PMS1: variants seen among roughly 807,000 people sequenced by gnomAD.
The protein encoded by PMS1 is PMS1 homolog 1, mismatch repair system component, also known as PMS1 protein homolog 1.
Under a neutral mutation model 93.1 loss-of-function variants are expected in PMS1, and 79 were observed. The observed-to-expected ratio is 0.85, with a 90% CI of 0.71 to 1.02. PMS1 has a LOEUF of 1.02. Among genes scored for constraint, PMS1 ranks in the 50% least tolerant of loss-of-function variants. The pLI is 0.00. For missense variants in PMS1, 1,064 were observed against 1,085.3 expected (o/e 0.98, Z 0.28); for synonymous variants, 335 against 363.4 (o/e 0.92, Z 0.89).
intron 4 of PMS1, among the ~76,000 whole-genome samples, chr2:189,813,561 C>T (rs2051023320): frequency 6.6e-6 from 1 of 152,068 alleles, no homozygotes; most frequent in Non-Finnish European, 1.5e-5. Context: ...GAATTTTGTG[C>T]AATATTAATA....
chr2:189,801,621 A>T (rs1415653198), intron 3 of PMS1, among the ~76,000 whole-genome samples: 1 of 152,088 alleles, frequency 6.6e-6, no homozygotes, highest in Admixed American at 6.6e-5. Flanking sequence ...ATTTTATTTT[A>T]TTTTTTTTCT....
At chr2:189,793,378 G>A (rs550353980) in intron 2 of PMS1, among the ~76,000 whole-genome samples, 1 of 152,296 alleles carries the variant, frequency 6.6e-6, no homozygotes, top group African/African-American at 2.4e-5. Context: ...TCTAATTGAT[G>A]CTGATGCTGG....
intron 4 of PMS1, among the ~76,000 whole-genome samples, chr2:189,814,773 A>T (rs947403905): frequency 6.6e-6 from 1 of 152,094 alleles, no homozygotes; most frequent in Admixed American, 6.5e-5. Flanking sequence ...GCAGCCTTGG[A>T]TAGGGCATTT....
At chr2:189,864,249 T>C in intron 10 of PMS1, 21 bp downstream of exon 10, 1 of 1,516,218 alleles carries the variant, frequency 6.6e-7, no homozygotes, top group East Asian at 2.3e-5. Flanking sequence ...ACAATACTTT[T>C]TAAGAGTAAA....
At chr2:189,826,974 T>C (rs1432999776) in intron 5 of PMS1, among the ~76,000 whole-genome samples, 1 of 152,200 alleles carries the variant, frequency 6.6e-6, no homozygotes, top group Non-Finnish European at 1.5e-5. Flanking sequence ...TGACCTCTTA[T>C]GTATTTAGGG....
chr2:189,856,318 TC>T (rs1316635661), intron 9 of PMS1, among the ~76,000 whole-genome samples: 4 of 152,058 alleles, frequency 2.6e-5, no homozygotes, highest in Non-Finnish European at 5.9e-5. Context: ...TCACTTTCTT[TC>T]CCTTTGTTTA....
At chr2:189,789,923 C>T (rs1425755064) in intron 1 of PMS1, among the ~76,000 whole-genome samples, 3 of 152,040 alleles carry the variant, frequency 2.0e-5, no homozygotes, top group Non-Finnish European at 2.9e-5. Flanking sequence ...AAAAGCACCC[C>T]CCTCCCTGCA....
intron 5 of PMS1, among the ~76,000 whole-genome samples, chr2:189,823,312 G>A (rs959618618): frequency 6.6e-6 from 1 of 151,740 alleles, no homozygotes; most frequent in Non-Finnish European, 1.5e-5. Flanking sequence ...CAGGGTACAT[G>A]TGCACAATGT....
At chr2:189,835,890 G>A (rs978436098) in intron 5 of PMS1, among the ~76,000 whole-genome samples, 1 of 126,994 alleles carries the variant, frequency 7.9e-6, no homozygotes, top group Non-Finnish European at 1.6e-5. Flanking sequence ...TCACACCACT[G>A]TACTCTAGCC....
At chr2:189,830,455 T>C (rs2052825572) in intron 5 of PMS1, among the ~76,000 whole-genome samples, 2 of 152,206 alleles carry the variant, frequency 1.3e-5, no homozygotes, top group Admixed American at 1.3e-4. Context: ...AGGCTTTCTT[T>C]AGCCTTCCTA....
intron 4 of PMS1, among the ~76,000 whole-genome samples, chr2:189,809,393 G>C (rs1157625726): frequency 6.8e-6 from 1 of 146,268 alleles, no homozygotes; most frequent in Non-Finnish European, 1.5e-5. Context: ...GTATAATGGG[G>C]CCTCCTCCCT....
At chr2:189,841,357 T>C (rs960236264) in intron 5 of PMS1, among the ~76,000 whole-genome samples, 7 of 152,230 alleles carry the variant, frequency 4.6e-5, no homozygotes, top group African/African-American at 1.4e-4. Flanking sequence ...GTAAAAGATC[T>C]TCCTGTTAAA....
chr2:189,864,680 AAAAAAAAATATATATATATATATAT>A (rs2056435317), intron 10 of PMS1, among the ~76,000 whole-genome samples: 3 of 44,194 alleles, frequency 6.8e-5, no homozygotes, highest in African/African-American at 2.9e-4. Flanking sequence ...AAAAAAAAAA[AAAAAAAAATATATATATATATATAT>A]ATATATATAT....
chr2:189,873,761 C>T (rs575491423), intron 12 of PMS1, 105 bp downstream of exon 12: 5 of 732,490 alleles, frequency 6.8e-6, no homozygotes, highest in East Asian at 2.7e-5. Flanking sequence ...GGCCTCCTAG[C>T]GGGCATCACC....
At chr2:189,862,810 G>A (rs1388022960) in intron 9 of PMS1, among the ~76,000 whole-genome samples, 4 of 152,098 alleles carry the variant, frequency 2.6e-5, no homozygotes, top group African/African-American at 4.8e-5. Flanking sequence ...GTGTTCACCC[G>A]GCCATGAAAC....
chr2:189,845,701 C>G (rs575453537), intron 6 of PMS1, among the ~76,000 whole-genome samples: 4 of 152,046 alleles, frequency 2.6e-5, no homozygotes, highest in Admixed American at 2.0e-4. Context: ...GTATGTCATG[C>G]CTTCCTCTTT....
intron 9 of PMS1, among the ~76,000 whole-genome samples, chr2:189,857,196 A>G (rs2055423761): frequency 6.6e-6 from 1 of 152,130 alleles, no homozygotes; most frequent in African/African-American, 2.4e-5. Context: ...ATGAAAGGGA[A>G]TTTTTCTGTT....
In PMS1 at chr2:189,867,906, G is replaced by T. The variant is rs781206054; in HGVS notation, c.2450G>T (p.Gly817Val). 6.2e-7 allele frequency: 1 copy of T among 1,611,102 alleles called. No homozygotes were observed. The highest frequency in any genetic ancestry group is 2.2e-5 in the East Asian group (1 of 44,796). ...YLSDPRLTAN[G>V]FKIKLIPGVS... ...TCTGATCCTCGTCTTACAGCGAATGGTTTCAAGATAAAATTGATACCAGGT... is the reference window on the plus strand; with the variant it reads ...TCTGATCCTCGTCTTACAGCGAATGTTTTCAAGATAAAATTGATACCAGGT... Residue 817 changes from glycine to valine, a missense_variant, in exon 11 of 13, where the codon GGT becomes GTT. Gly to Val is a moderately radical substitution (Grantham distance 109, BLOSUM62 -3). Transcript: ENST00000441310.
At chr2:189,785,958 C>G (rs1162839845) in intron 1 of PMS1, among the ~76,000 whole-genome samples, 1 of 152,088 alleles carries the variant, frequency 6.6e-6, no homozygotes, top group Non-Finnish European at 1.5e-5. Flanking sequence ...AACCCTGTCT[C>G]TACTAAAAAT....
Sources: gnomAD v4.1 joint callset for allele counts (sites outside exome capture counted in the v4.1 genomes callset) on GRCh38, gnomAD v4.1.1 for gene constraint, MANE v1.5 for transcripts, NCBI Gene and HGNC (gene_info 2026-07-23, HGNC 2026-07-21) for gene names.